Variants in RFFL observed in about 807,000 individuals in gnomAD.
RFFL encodes E3 ubiquitin-protein ligase rififylin.
A neutral mutation model predicts 40.4 loss-of-function variants in RFFL; 16 were observed. The ratio of observed to expected loss-of-function variants is 0.40; its 90% CI spans 0.27 to 0.60. RFFL has a LOEUF of 0.60. RFFL is among the 20% of genes least tolerant of loss of function. The pLI, the probability that RFFL is intolerant of heterozygous loss-of-function variation, is 0.47. For synonymous variants in RFFL, 154 were observed against 167.9 expected (o/e 0.92, Z 0.64); for missense variants, 367 against 451.7 (o/e 0.81, Z 1.70).
At chr17:35,080,698 A>G (rs1339492432) in intron 1 of RFFL, among the ~76,000 whole-genome samples, 2 of 152,190 alleles carry the variant, frequency 1.3e-5, no homozygotes, top group Non-Finnish European at 2.9e-5. Flanking sequence ...GTAAGTTTCA[A>G]GATGAGTAGG....
Position 35,026,466 on chromosome 17 carries a change from A to C in RFFL, c.88T>G (p.Ser30Ala). 6.2e-7 allele frequency: 1 copy of C among 1,613,776 alleles called. No individual in the cohort carries two copies. The highest frequency in any genetic ancestry group is 1.1e-5 in the South Asian group (1 of 91,062). ...GGGAAGGAGCTGTACCCAGGGTTGG[A>C]ATAGGCCTGCATCCTGGCTCCCTGG... ...PPQGARMQAY[S>A]NPGYSSFPSP... Residue 30 changes from serine (S) to alanine (A), a missense_variant, in exon 2 of 7, where the codon TCC becomes GCC. Coordinates refer to ENST00000394597, the MANE Select transcript of RFFL (RefSeq NM_001017368.2).
intron 1 of RFFL, among the ~76,000 whole-genome samples, chr17:35,071,389 G>C (rs1270400818): frequency 1.3e-5 from 2 of 150,922 alleles, no homozygotes; most frequent in African/African-American, 2.4e-5. Flanking sequence ...AGGACATCGT[G>C]GGCAGATCAC....
intron 1 of RFFL, among the ~76,000 whole-genome samples, chr17:35,040,839 GT>G (rs2091159488): frequency 1.0e-5 from 1 of 98,998 alleles, no homozygotes; most frequent in Non-Finnish European, 2.0e-5. Flanking sequence ...CAGCTTTAAT[GT>G]CTTTTTTTTT....
chr17:35,014,885 G>A (rs2090964223), intron 5 of RFFL, 122 bp from the exon 6 acceptor site: 2 of 909,694 alleles, frequency 2.2e-6, no homozygotes, highest in Non-Finnish European at 3.6e-6. Flanking sequence ...GGCTTGCCAA[G>A]AGCCTAGATG....
At chr17:35,069,698 T>C (rs1270817774) in intron 1 of RFFL, 1 of 165,246 alleles carries the variant, frequency 6.1e-6, no homozygotes, top group Admixed American at 6.3e-5. Context: ...TTGCATTATT[T>C]ATAATAAAGT....
At chr17:35,052,403 T>G (rs557511920) in intron 1 of RFFL, among the ~76,000 whole-genome samples, 1 of 152,114 alleles carries the variant, frequency 6.6e-6, no homozygotes, top group Non-Finnish European at 1.5e-5. Flanking sequence ...ATGGGGGAAC[T>G]CAAGCCACAA....
chr17:35,073,450 G>T (rs748669930), intron 1 of RFFL, among the ~76,000 whole-genome samples: 1 of 152,174 alleles, frequency 6.6e-6, no homozygotes, highest in Admixed American at 6.5e-5. Flanking sequence ...GCTTCTTACC[G>T]CAAATAGTTT....
At chr17:35,067,589 G>A (rs1325558252), upstream of RFFL, among the ~76,000 whole-genome samples, 3 of 150,962 alleles carry the variant, frequency 2.0e-5, no homozygotes, top group African/African-American at 7.3e-5. Flanking sequence ...TCTCAAGTAG[G>A]TGGGATTACT....
At chr17:35,084,176 T>C (rs181550464) in intron 1 of RFFL, among the ~76,000 whole-genome samples, 13 of 152,192 alleles carry the variant, frequency 8.5e-5, no homozygotes, top group Admixed American at 2.0e-4. Context: ...GAGGCAGAGG[T>C]TGCGGTGAGC....
At chr17:35,027,477 C>T (rs1470106532) in intron 1 of RFFL, among the ~76,000 whole-genome samples, 1 of 152,282 alleles carries the variant, frequency 6.6e-6, no homozygotes, top group South Asian at 2.1e-4. Flanking sequence ...GTAATCCCAG[C>T]ACTTTGGGAG....
chr17:35,043,374 T>G (rs944339493), intron 1 of RFFL, among the ~76,000 whole-genome samples: 1 of 152,174 alleles, frequency 6.6e-6, no homozygotes, highest in Non-Finnish European at 1.5e-5. Context: ...ACTGGACTTT[T>G]CAATCTTACA....
chr17:35,087,224 G>GC (rs1386102285), intron 1 of RFFL, among the ~76,000 whole-genome samples: 3 of 152,052 alleles, frequency 2.0e-5, no homozygotes, highest in East Asian at 1.9e-4. Context: ...GGTTGCACAT[G>GC]CCTGAGGTCC....
chr17:35,054,969 G>A (rs927222294), intron 1 of RFFL, among the ~76,000 whole-genome samples: 1 of 151,218 alleles, frequency 6.6e-6, no homozygotes, highest in Non-Finnish European at 1.5e-5. Context: ...CCAGGCTGGA[G>A]TGCAGTGGCG....
At chr17:35,053,964 T>C (rs1283352804) in intron 1 of RFFL, among the ~76,000 whole-genome samples, 1 of 152,220 alleles carries the variant, frequency 6.6e-6, no homozygotes, top group Non-Finnish European at 1.5e-5. Flanking sequence ...TCAAGACTAA[T>C]TATTTCCAGG....
intron 1 of RFFL, among the ~76,000 whole-genome samples, chr17:35,088,141 AG>A (rs2091440285): frequency 6.6e-6 from 1 of 152,212 alleles, no homozygotes; most frequent in African/African-American, 2.4e-5. Flanking sequence ...GGGATACATA[AG>A]GAACTCACTG....
At chr17:35,077,632 T>G (rs746621877) in intron 1 of RFFL, among the ~76,000 whole-genome samples, 3 of 152,252 alleles carry the variant, frequency 2.0e-5, no homozygotes, top group Non-Finnish European at 4.4e-5. Context: ...GGAATCAAAG[T>G]ACCTTTGCCC....
Position 35,037,086 on chromosome 17 carries a change from G to C in RFFL, c.-8-10525C>G, listed in dbSNP as rs931075352. ...ACAAAAGCATAGACAGCTACATCTTGGAATTAACACACTTATGGTGCACCA... is the reference window on the plus strand; with the variant it reads ...ACAAAAGCATAGACAGCTACATCTTCGAATTAACACACTTATGGTGCACCA... On this transcript the variant is annotated intron_variant, in intron 1 of 6. Coordinates refer to ENST00000394597, the MANE Select transcript of RFFL (RefSeq NM_001017368.2). 2.0e-5 allele frequency among the ~76,000 whole-genome samples: 3 copies of C among 152,110 alleles called. No individual in the cohort carries two copies. In the East Asian group the frequency reaches 5.8e-4, roughly 29 times the overall value.
At chr17:35,016,731 T>C in intron 4 of RFFL, 151 bp from the exon 5 acceptor site, 1 of 630,860 alleles carries the variant, frequency 1.6e-6, no homozygotes, top group East Asian at 2.7e-5. Flanking sequence ...GGCATGGTGC[T>C]CTGCATTGCA....
intron 1 of RFFL, among the ~76,000 whole-genome samples, chr17:35,039,826 C>A (rs1454209186): frequency 6.6e-6 from 1 of 152,066 alleles, no homozygotes; most frequent in East Asian, 1.9e-4. Context: ...TACAGGCATA[C>A]AACTCCATGC....
Sources: gnomAD v4.1 joint callset for allele counts (sites outside exome capture counted in the v4.1 genomes callset) on GRCh38, gnomAD v4.1.1 for gene constraint, MANE v1.5 for transcripts, NCBI Gene and HGNC (gene_info 2026-07-23, HGNC 2026-07-21) for gene names.